The following PTPRO variants were observed in gnomAD, a reference collection of about 807,000 sequenced individuals.
The protein encoded by PTPRO is protein tyrosine phosphatase receptor type O.
A neutral mutation model predicts 145.2 loss-of-function variants in PTPRO; 62 were observed. The observed-to-expected ratio is 0.43, with a 90% CI of 0.35 to 0.53. The LOEUF (loss-of-function observed/expected upper bound fraction) is 0.53, where lower values mean the gene tolerates loss of function less well. Ranked by LOEUF, PTPRO falls within the 20% of genes least tolerant of loss-of-function variation. PTPRO has a pLI of 0.01. For missense variants in PTPRO, 1,345 were observed against 1,482.7 expected (o/e 0.91, Z 1.53); for synonymous variants, 565 against 514.7 (o/e 1.10, Z -1.32).
At chr12:15,422,953 G>A (rs1219419260) in intron 1 of PTPRO, among the ~76,000 whole-genome samples, 1 of 152,084 alleles carries the variant, frequency 6.6e-6, no homozygotes, top group Non-Finnish European at 1.5e-5. Context: ...GTATTCCATT[G>A]TACATCCTCT....
chr12:15,331,446 T>C (rs1318953907), intron 1 of PTPRO, among the ~76,000 whole-genome samples: 2 of 152,212 alleles, frequency 1.3e-5, no homozygotes, highest in African/African-American at 4.8e-5. Context: ...TGCTATTTAC[T>C]GGCAGTAGGA....
At chr12:15,363,011 C>T (rs10846167) in intron 1 of PTPRO, among the ~76,000 whole-genome samples, 52,825 of 151,856 alleles carry the variant, frequency 0.35, 10,113 homozygotes, top group African/African-American at 0.52. Context: ...CTTAGTAATT[C>T]AAACTAATCT....
At chr12:15,560,080 C>T in intron 16 of PTPRO, 113 bp from the exon 17 acceptor site, 2 of 786,222 alleles carry the variant, frequency 2.5e-6, no homozygotes, top group South Asian at 1.4e-5. Context: ...AATTAAGGTG[C>T]TTGTCATATT....
At chr12:15,360,975 T>C (rs1179105422) in intron 1 of PTPRO, among the ~76,000 whole-genome samples, 1 of 145,498 alleles carries the variant, frequency 6.9e-6, no homozygotes, top group Non-Finnish European at 1.5e-5. Flanking sequence ...TATACACACG[T>C]ATATATACAC....
At chr12:15,444,294 G>T (rs529986288) in intron 1 of PTPRO, among the ~76,000 whole-genome samples, 1 of 151,994 alleles carries the variant, frequency 6.6e-6, no homozygotes, top group Non-Finnish European at 1.5e-5. Context: ...CAGTACTCAC[G>T]GACATAAAGA....
Position 15,501,939 on chromosome 12 carries a change from CAGTG to C in PTPRO, c.984_987del (p.Ser328ArgfsTer17), listed in dbSNP as rs1942230731. 5.0e-6 allele frequency: 8 copies of C among 1,613,884 alleles called. No individual in the cohort carries two copies. Among genetic ancestry groups the C allele is most frequent in the Non-Finnish European group, 5.9e-6 (7 of 1,179,912 alleles). ...TGGAATACGAAAATAACAGTACACT[CAGTG>C]AGACAGAGAAGTCAACATCAGGCTC... is the stretch of plus-strand genomic sequence containing the variant. On this transcript the variant is annotated frameshift_variant, in exon 5 of 27. Coordinates refer to ENST00000281171, the MANE Select transcript of PTPRO (RefSeq NM_030667.3). LOFTEE classifies it high-confidence loss of function.
Position 15,396,739 on chromosome 12 carries a change from A to G in PTPRO, c.75+73938A>G, listed in dbSNP as rs574844661. ...TTTTATGATTCTATAGAGGAAGAAA[A>G]TAAAATGGAAGTCAAGGAAGCATTT... On this transcript the variant is annotated intron_variant, in intron 1 of 26. Coordinates refer to ENST00000281171, the MANE Select transcript of PTPRO (RefSeq NM_030667.3). Among the ~76,000 whole-genome samples the G allele has an allele frequency of 2.4e-4, 37 of 152,314 alleles. No individual in the cohort carries two copies. In the East Asian group the frequency reaches 6.2e-3, roughly 25 times the overall value.
chr12:15,346,317 T>A (rs1056176068), intron 1 of PTPRO, among the ~76,000 whole-genome samples: 1 of 152,268 alleles, frequency 6.6e-6, no homozygotes, highest in Non-Finnish European at 1.5e-5. Context: ...TTATTTCAAA[T>A]CTTTTTACTT....
intron 7 of PTPRO, among the ~76,000 whole-genome samples, chr12:15,511,582 C>T (rs559970166): frequency 3.9e-5 from 6 of 152,232 alleles, no homozygotes; most frequent in East Asian, 1.9e-4. Flanking sequence ...GTTTATGAGA[C>T]GGAGTCTCGC....
intron 23 of PTPRO, among the ~76,000 whole-genome samples, chr12:15,584,904 G>T (rs1944398441): frequency 6.6e-6 from 1 of 152,090 alleles, no homozygotes; most frequent in South Asian, 2.1e-4. Flanking sequence ...AACAAGAAAG[G>T]AGAGAAATGA....
At chr12:15,431,205 T>TA (rs2136341294) in intron 1 of PTPRO, among the ~76,000 whole-genome samples, 1 of 152,272 alleles carries the variant, frequency 6.6e-6, no homozygotes, top group South Asian at 2.1e-4. Context: ...TGTTAGATTC[T>TA]AAAAATCAAA....
At chr12:15,405,229 T>C (rs1939615299) in intron 1 of PTPRO, among the ~76,000 whole-genome samples, 1 of 152,230 alleles carries the variant, frequency 6.6e-6, no homozygotes, top group African/African-American at 2.4e-5. Context: ...TTCATTGCTT[T>C]ATTGTCATAT....
intron 1 of PTPRO, among the ~76,000 whole-genome samples, chr12:15,457,613 T>C (rs1941209721): frequency 1.3e-5 from 2 of 152,112 alleles, no homozygotes; most frequent in South Asian, 4.1e-4. Flanking sequence ...TGATATTTTA[T>C]ATTGAAATTT....
At position 15,531,443 on chromosome 12, in the gene PTPRO, G is replaced by A. The variant is rs184519587; in HGVS notation, c.2164+5181G>A. On this transcript the variant is annotated intron_variant, in intron 12 of 26. Transcript: ENST00000281171. ...TCTTGCAAATGAACTGGATCTTTTT[G>A]TGTAGTGTAATGTCAAAATAATTCT... 4.1e-3 allele frequency among the ~76,000 whole-genome samples: 631 copies of A among 152,256 alleles called. 3 individuals carry two copies. Among genetic ancestry groups the A allele is most frequent in the Admixed American group, 6.0e-3 (92 of 15,294 alleles).
chr12:15,492,753 T>G (rs1942025277), intron 2 of PTPRO, among the ~76,000 whole-genome samples: 1 of 152,124 alleles, frequency 6.6e-6, no homozygotes, highest in African/African-American at 2.4e-5. Context: ...TATAAAGAGC[T>G]AGTAAATTGG....
At chr12:15,520,151 A>T (rs371230839) in intron 9 of PTPRO, 50 bp from the exon 10 acceptor site, 15 of 1,238,524 alleles carry the variant, frequency 1.2e-5, no homozygotes, top group Admixed American at 3.4e-5. Context: ...CTCCAAAAAT[A>T]GTACTTTCTC....
chr12:15,513,071 G>GGAAAGAAAGAAAGAAAGAAAGAAAGAAA (rs138110186), intron 7 of PTPRO, among the ~76,000 whole-genome samples: 3 of 52,886 alleles, frequency 5.7e-5, no homozygotes, highest in African/African-American at 2.0e-4. Flanking sequence ...AGAGAAAGAA[G>GGAAAGAAAGAAAGAAAGAAAGAAAGAAA]GAAAGAAAGA....
intron 1 of PTPRO, among the ~76,000 whole-genome samples, chr12:15,452,802 C>T (rs569866252): frequency 1.8e-4 from 27 of 152,250 alleles, no homozygotes; most frequent in Admixed American, 8.5e-4. Flanking sequence ...TCAACTTCAT[C>T]TGCTACTTTT....
In PTPRO at chr12:15,597,948, A is replaced by G. The variant is rs1418796716; in HGVS notation, c.*1875A>G. ...GAAATGTGCAACCTTGGAAGAGCTGATACAATGTATGGTAAGCTGAAGTAC... is the reference window on the plus strand; with the variant it reads ...GAAATGTGCAACCTTGGAAGAGCTGGTACAATGTATGGTAAGCTGAAGTAC... On this transcript the variant is annotated 3_prime_UTR_variant, in exon 27 of 27. Transcript: ENST00000281171. 6.6e-6 allele frequency among the ~76,000 whole-genome samples: 1 copy of G among 152,194 alleles called. No homozygotes were observed. Among genetic ancestry groups the G allele is most frequent in the Non-Finnish European group, 1.5e-5 (1 of 68,022 alleles).
Sources: allele counts gnomAD v4.1 joint callset (sites outside exome capture counted in the v4.1 genomes callset), GRCh38; gene constraint gnomAD v4.1.1; transcripts MANE v1.5; gene names NCBI Gene and HGNC (gene_info 2026-07-23, HGNC 2026-07-21).